GPHN: variants seen among roughly 807,000 people sequenced by gnomAD.
GPHN encodes gephyrin.
In GPHN, 17 loss-of-function variants were observed where a neutral mutation model predicts 95.5. The observed-to-expected ratio is 0.18, with a 90% CI of 0.12 to 0.27. The LOEUF (loss-of-function observed/expected upper bound fraction) is 0.27. GPHN is among the 10% of genes least tolerant of loss of function. The pLI, the probability that GPHN is intolerant of heterozygous loss-of-function variation, is 1.00. For synonymous variants in GPHN, 320 were observed against 322.5 expected (o/e 0.99, Z 0.08); for missense variants, 660 against 978.1 (o/e 0.67, Z 4.34).
At chr14:66,551,059 G>T (rs936941665) in intron 1 of GPHN, 2 of 156,292 alleles carry the variant, frequency 1.3e-5, no homozygotes, top group African/African-American at 2.4e-5. Context: ...GAGTTTCACC[G>T]TGTTAGCCAG....
chr14:67,536,926 G>T, the GPHN span, among the ~76,000 whole-genome samples: 1 of 151,154 alleles, frequency 6.6e-6, no homozygotes, highest in Non-Finnish European at 1.5e-5. Flanking sequence ...TGTAATCCCC[G>T]CTACTCAGGA....
intron 3 of GPHN, among the ~76,000 whole-genome samples, chr14:66,778,600 T>G (rs554261619): frequency 6.6e-6 from 1 of 152,018 alleles, no homozygotes; most frequent in African/African-American, 2.4e-5. Flanking sequence ...TGTAAAGATC[T>G]CAACAAATCA....
At chr14:66,749,078 C>CA (rs560301491) in intron 2 of GPHN, among the ~76,000 whole-genome samples, 2 of 151,850 alleles carry the variant, frequency 1.3e-5, no homozygotes, top group Non-Finnish European at 2.9e-5. Flanking sequence ...TTGCTTTTTC[C>CA]AAAATGTCAT....
rs117188574 is a variant in GPHN, at chr14:66,570,260, G to T, written c.64+61669G>T. On this transcript the variant is annotated intron_variant, in intron 1 of 22. Transcript: ENST00000478722. ...AATAATGCTGAAATAAAACATGGGA[G>T]TGCAGATATCTATTTGACATACTGA... Among the ~76,000 whole-genome samples the T allele has an allele frequency of 1.2e-3, 178 of 149,654 alleles. 2 individuals carry two copies. Among genetic ancestry groups the T allele is most frequent in the Admixed American group, 5.6e-3 (84 of 15,004 alleles).
intron 4 of GPHN, among the ~76,000 whole-genome samples, chr14:66,877,938 C>T (rs1397853338): frequency 6.6e-6 from 1 of 152,140 alleles, no homozygotes; most frequent in African/African-American, 2.4e-5. Flanking sequence ...GCAAAAAGAA[C>T]AAAGCTGGAG....
At chr14:66,949,624 C>A (rs879765046) in intron 8 of GPHN, among the ~76,000 whole-genome samples, 3 of 152,136 alleles carry the variant, frequency 2.0e-5, no homozygotes, top group Admixed American at 1.3e-4. Flanking sequence ...TACATAGGTG[C>A]TTTGGGAGAC....
chr14:67,282,236 A>G, the GPHN span, among the ~76,000 whole-genome samples: 1 of 152,124 alleles, frequency 6.6e-6, no homozygotes, highest in Non-Finnish European at 1.5e-5. Flanking sequence ...TAACACATCA[A>G]ACTGTAAGAG....
At chr14:66,701,075 C>T (rs1363795734) in intron 2 of GPHN, among the ~76,000 whole-genome samples, 2 of 152,208 alleles carry the variant, frequency 1.3e-5, no homozygotes, top group Non-Finnish European at 2.9e-5. Flanking sequence ...CTAAAAGCAA[C>T]CTCTGTTACA....
chr14:67,238,169 T>C, the GPHN span, among the ~76,000 whole-genome samples: 1 of 152,174 alleles, frequency 6.6e-6, no homozygotes, highest in Non-Finnish European at 1.5e-5. Flanking sequence ...AGTTTTTGCA[T>C]ATATACCAGT....
At chr14:67,140,498 T>A (rs1219580312) in intron 17 of GPHN, among the ~76,000 whole-genome samples, 1 of 152,206 alleles carries the variant, frequency 6.6e-6, no homozygotes, top group Non-Finnish European at 1.5e-5. Flanking sequence ...GGTGTGCATC[T>A]CACTGCTGCT....
chr14:67,302,390 A>T, the GPHN span: 443 of 1,414,408 alleles, frequency 3.1e-4, 2 homozygotes, highest in African/African-American at 6.2e-3. Flanking sequence ...TTTTTAAATT[A>T]TACATATATA....
chr14:67,173,656 G>A (rs769586267), intron 21 of GPHN, among the ~76,000 whole-genome samples: 6 of 152,086 alleles, frequency 3.9e-5, no homozygotes, highest in Non-Finnish European at 8.8e-5. Context: ...AAAAAAGCAA[G>A]CAAATATAAC....
At chr14:67,137,155 T>C (rs1329724745) in intron 17 of GPHN, among the ~76,000 whole-genome samples, 2 of 147,988 alleles carry the variant, frequency 1.4e-5, no homozygotes, top group Non-Finnish European at 3.0e-5. Flanking sequence ...GAATCTGTCT[T>C]TTTTTTTTGA....
At chr14:67,573,560 C>T in the GPHN span, among the ~76,000 whole-genome samples, 2 of 152,218 alleles carry the variant, frequency 1.3e-5, no homozygotes, top group Admixed American at 1.3e-4. The surrounding 1 kb of genome is among the most constrained non-coding windows in gnomAD (Gnocchi z 4.8). Flanking sequence ...ACTTGGGGAC[C>T]TAAGCCTGGC....
intron 2 of GPHN, 64 bp downstream of exon 2, chr14:66,681,249 A>T (rs2066916621): frequency 2.9e-6 from 3 of 1,027,098 alleles, no homozygotes; most frequent in Non-Finnish European, 4.5e-6. Context: ...TCCTTTTCTC[A>T]AAAGAGTTTT....
At chr14:66,755,073 A>T (rs1566908615) in intron 2 of GPHN, among the ~76,000 whole-genome samples, 1 of 152,050 alleles carries the variant, frequency 6.6e-6, no homozygotes, top group Non-Finnish European at 1.5e-5. Context: ...TTAAATTTCT[A>T]ATAAATCTTT....
chr14:67,512,553 A>G, the GPHN span, among the ~76,000 whole-genome samples: 7 of 152,300 alleles, frequency 4.6e-5, no homozygotes, highest in South Asian at 1.2e-3. Flanking sequence ...GAGAAAAGTA[A>G]AAGCATACAA....
At chr14:67,625,812 G>A in the GPHN span, among the ~76,000 whole-genome samples, 1 of 146,314 alleles carries the variant, frequency 6.8e-6, no homozygotes, top group Non-Finnish European at 1.5e-5. Flanking sequence ...TACCTGATAA[G>A]ATTCTAGTGT....
chr14:66,843,477 T>C (rs7156426), intron 4 of GPHN, among the ~76,000 whole-genome samples: 79,847 of 152,116 alleles, frequency 0.52, 24,427 homozygotes, highest in African/African-American at 0.85. Context: ...TGAGTTTGCT[T>C]GACTGTTGCC....
Sources: allele counts gnomAD v4.1 joint callset (sites outside exome capture counted in the v4.1 genomes callset), GRCh38; gene constraint gnomAD v4.1.1; non-coding constraint Gnocchi (gnomAD v3.1); transcripts MANE v1.5; gene names NCBI Gene and HGNC (gene_info 2026-07-23, HGNC 2026-07-21).